Variants in NBEA observed in about 807,000 individuals in gnomAD.
NBEA encodes neurobeachin.
A neutral mutation model predicts 343.4 loss-of-function variants in NBEA; 44 were observed. The observed-to-expected ratio is 0.13, with a 90% CI of 0.10 to 0.16. The LOEUF is 0.16. Among genes scored for constraint, NBEA ranks in the 10% least tolerant of loss-of-function variants. The probability of loss-of-function intolerance (pLI) is 1.00; values close to 1 mark genes in which losing one functional copy is unlikely to be tolerated. For synonymous variants in NBEA, 1,175 were observed against 1,238.7 expected, an observed-to-expected ratio of 0.95 and a Z score of 1.08; for missense variants, 2,555 against 3,631.3, an observed-to-expected ratio of 0.70 and a Z score of 7.62.
At chr13:35,586,902 C>T (rs2081314611) in intron 46 of NBEA, among the ~76,000 whole-genome samples, 1 of 152,078 alleles carries the variant, frequency 6.6e-6, no homozygotes, top group Admixed American at 6.6e-5. Context: ...CAAGTCAAAA[C>T]TAAACAAAGT....
chr13:35,294,684 T>G (rs1295288116), intron 35 of NBEA, among the ~76,000 whole-genome samples: 1 of 152,160 alleles, frequency 6.6e-6, no homozygotes, highest in Non-Finnish European at 1.5e-5. Flanking sequence ...GTTTTGCTGC[T>G]GAATTTGAAT....
intron 22 of NBEA, 71 bp downstream of exon 22, chr13:35,160,103 T>A: frequency 7.6e-7 from 1 of 1,319,604 alleles, no homozygotes; most frequent in Non-Finnish European, 1.0e-6. Flanking sequence ...CAAAACAGAG[T>A]AATTTCTTAT....
intron 47 of NBEA, among the ~76,000 whole-genome samples, chr13:35,599,390 T>C (rs2081953504): frequency 6.6e-6 from 1 of 152,218 alleles, no homozygotes; most frequent in Admixed American, 6.5e-5. Flanking sequence ...AAAGGACAGC[T>C]AACCTCTAAG....
intron 38 of NBEA, among the ~76,000 whole-genome samples, chr13:35,379,968 A>G (rs951713777): frequency 4.6e-5 from 7 of 152,110 alleles, no homozygotes; most frequent in African/African-American, 1.4e-4. Flanking sequence ...GCATTTTCAT[A>G]TTAATTTTTT....
intron 18 of NBEA, among the ~76,000 whole-genome samples, chr13:35,145,891 G>T (rs1037954328): frequency 2.0e-5 from 3 of 152,162 alleles, no homozygotes; most frequent in Admixed American, 2.0e-4. Context: ...ATTACAAAGA[G>T]ACTGACATGG....
At position 35,592,847 on chromosome 13, in the gene NBEA, C is replaced by T. The variant is rs533110785; in HGVS notation, c.7177-481C>T. Among the ~76,000 whole-genome samples the T allele has an allele frequency of 1.8e-4, 18 of 98,344 alleles. No individual in the cohort carries two copies. In the South Asian group the frequency reaches 4.8e-3, roughly 26 times the overall value. 64.5% of individuals were successfully genotyped at this position (98,344 alleles called of 152,430 possible). ...GACCATAAGGTAGTACTAATACTTT[C>T]GTAGTCTTTCACAGGTAATCATGGA... On this transcript the variant is annotated intron_variant, in intron 46 of 58. Coordinates refer to ENST00000379939, the MANE Select transcript of NBEA (RefSeq NM_001385012.1).
At chr13:35,096,637 T>G (rs1257043503) in intron 10 of NBEA, among the ~76,000 whole-genome samples, 1 of 151,878 alleles carries the variant, frequency 6.6e-6, no homozygotes, top group Non-Finnish European at 1.5e-5. Flanking sequence ...GAATCCATTT[T>G]CCCCCTAAAT....
At chr13:35,428,563 G>T (rs2044868339) in intron 38 of NBEA, among the ~76,000 whole-genome samples, 1 of 152,038 alleles carries the variant, frequency 6.6e-6, no homozygotes, top group Non-Finnish European at 1.5e-5. Context: ...CTTCTGTTTG[G>T]TTCTTCTTTA....
chr13:35,301,181 T>C (rs2152826262), intron 35 of NBEA, among the ~76,000 whole-genome samples: 1 of 152,226 alleles, frequency 6.6e-6, no homozygotes, highest in South Asian at 2.1e-4. Context: ...TTTTTTTTTT[T>C]TTAATTTTAC....
intron 38 of NBEA, among the ~76,000 whole-genome samples, chr13:35,402,104 C>T (rs772219880): frequency 6.6e-6 from 1 of 151,638 alleles, no homozygotes; most frequent in Non-Finnish European, 1.5e-5. Context: ...AGTTTAAAAC[C>T]ACTTCAAAAG....
intron 4 of NBEA, among the ~76,000 whole-genome samples, chr13:35,047,758 A>C (rs202191005): frequency 6.7e-6 from 1 of 149,856 alleles, no homozygotes; most frequent in Non-Finnish European, 1.5e-5. Flanking sequence ...TTTGACATGG[A>C]AGGTCCGTGT....
intron 35 of NBEA, among the ~76,000 whole-genome samples, chr13:35,293,952 T>C (rs1018596414): frequency 2.6e-5 from 4 of 152,078 alleles, no homozygotes; most frequent in Admixed American, 6.6e-5. Context: ...ATTTAAATGC[T>C]TTCTGACTGG....
At chr13:35,532,455 T>A (rs2152999272) in intron 41 of NBEA, among the ~76,000 whole-genome samples, 1 of 152,216 alleles carries the variant, frequency 6.6e-6, no homozygotes, top group Non-Finnish European at 1.5e-5. Flanking sequence ...TGAACATGCA[T>A]TAAATATGCT....
intron 48 of NBEA, among the ~76,000 whole-genome samples, chr13:35,614,221 G>A (rs190952191): frequency 1.6e-3 from 242 of 151,944 alleles, no homozygotes; most frequent in African/African-American, 5.5e-3. Flanking sequence ...GAGTAGTTTC[G>A]GTTCCTTGTA....
intron 2 of NBEA, 91 bp from the exon 3 acceptor site, chr13:35,044,852 ATAAC>A: frequency 2.9e-6 from 2 of 679,904 alleles, no homozygotes; most frequent in Non-Finnish European, 4.9e-6. Context: ...AGAGAGAGAG[ATAAC>A]AATGATAACT....
chr13:35,174,397 T>C (rs989076609), intron 27 of NBEA, among the ~76,000 whole-genome samples: 3 of 152,084 alleles, frequency 2.0e-5, no homozygotes, highest in Non-Finnish European at 4.4e-5. Context: ...ATTACATAGG[T>C]CTGTTATCAC....
At chr13:35,399,666 C>T (rs565108706) in intron 38 of NBEA, among the ~76,000 whole-genome samples, 88 of 152,236 alleles carry the variant, frequency 5.8e-4, no homozygotes, top group Non-Finnish European at 2.1e-4. Context: ...CATTTAATTT[C>T]CTTCAAGAAC....
chr13:35,469,360 A>T (rs1328959669), intron 40 of NBEA, among the ~76,000 whole-genome samples: 1 of 152,150 alleles, frequency 6.6e-6, no homozygotes, highest in African/African-American at 2.4e-5. Context: ...TATTATTTTA[A>T]AGATTCATTA....
intron 1 of NBEA, among the ~76,000 whole-genome samples, chr13:34,953,144 T>G (rs979588159): frequency 1.3e-4 from 20 of 152,222 alleles, no homozygotes; most frequent in Admixed American, 5.9e-4. Flanking sequence ...CATCTTGACC[T>G]ATATTGTGAA....
Sources: allele counts gnomAD v4.1 joint callset (sites outside exome capture counted in the v4.1 genomes callset), GRCh38; gene constraint gnomAD v4.1.1; transcripts MANE v1.5; gene names NCBI Gene and HGNC (gene_info 2026-07-23, HGNC 2026-07-21).